Variants in LGSN observed in about 807,000 individuals in gnomAD.
The protein encoded by LGSN is lengsin.
LGSN carries 21 observed loss-of-function variants against 19.5 expected under a neutral mutation model. The observed-to-expected ratio is 1.07, with a 90% CI of 0.76 to 1.55. The LOEUF (loss-of-function observed/expected upper bound fraction) is 1.55. LGSN is among the 40% of genes most tolerant of loss of function. The pLI is 0.00. For missense variants in LGSN, 673 were observed against 608.5 expected, an observed-to-expected ratio of 1.11 and a Z score of -1.12; for synonymous variants, 257 against 215.6, an observed-to-expected ratio of 1.19 and a Z score of -1.68.
In LGSN at chr6:63,279,609, C is replaced by A. The variant is rs923870986; in HGVS notation, c.*412G>T. On this transcript the variant is annotated 3_prime_UTR_variant, in exon 4 of 4. Transcript: ENST00000370657. ...TATTTGTCTCCCTGGAAATCATAAC[C>A]TATGTGTACCATTAAAATTTTTTCT... 6.3e-6 allele frequency: 1 copy of A among 158,470 alleles called. No individual in the cohort carries two copies. Among genetic ancestry groups the A allele is most frequent in the Non-Finnish European group, 1.4e-5 (1 of 72,494 alleles). The allele number at this position is 158,470 out of a possible 1,614,324, so 9.8% of individuals were successfully genotyped here.
Position 63,318,568 on chromosome 6 carries a change from G to A in LGSN, c.30+1346C>T, listed in dbSNP as rs116786597. On this transcript the variant is annotated intron_variant, in intron 1 of 3. Coordinates refer to ENST00000370657, the MANE Select transcript of LGSN (RefSeq NM_016571.3). ...ATACAATGCTCTATTCCAACTTTGA[G>A]GGAACTTTTCCTCAAAAGACAGAGA... Among the ~76,000 whole-genome samples, 445 of 152,236 alleles carry A rather than the reference G, an allele frequency of 2.9e-3. 3 individuals carry two copies. The highest frequency in any genetic ancestry group is 0.01 in the African/African-American group (420 of 41,522).
chr6:63,539,100 C>T, the LGSN span, among the ~76,000 whole-genome samples: 1 of 151,922 alleles, frequency 6.6e-6, no homozygotes, highest in East Asian at 1.9e-4. Flanking sequence ...ACCATGTTGG[C>T]CCATGCTGAT....
At chr6:63,536,126 G>C in the LGSN span, among the ~76,000 whole-genome samples, 1 of 151,942 alleles carries the variant, frequency 6.6e-6, no homozygotes, top group East Asian at 2.0e-4. Flanking sequence ...GAGGCCAACA[G>C]TTCCAGACCA....
chr6:63,539,830 A>G, the LGSN span, among the ~76,000 whole-genome samples: 5 of 152,220 alleles, frequency 3.3e-5, no homozygotes, highest in African/African-American at 1.2e-4. Flanking sequence ...TCAAAAGTTC[A>G]GCAAATGTGT....
the LGSN span, among the ~76,000 whole-genome samples, chr6:63,357,028 G>A: frequency 4.0e-5 from 5 of 125,070 alleles, no homozygotes; most frequent in South Asian, 2.4e-4. Context: ...TCCCCTTCCC[G>A]TGTCCATGTG....
At chr6:63,544,577 C>G in the LGSN span, among the ~76,000 whole-genome samples, 3 of 152,116 alleles carry the variant, frequency 2.0e-5, no homozygotes, top group Admixed American at 6.6e-5. Context: ...GGGTCACAGA[C>G]TGGCTAGAGT....
chr6:63,476,198 A>G, the LGSN span, among the ~76,000 whole-genome samples: 1 of 152,206 alleles, frequency 6.6e-6, no homozygotes, highest in African/African-American at 2.4e-5. Context: ...TTGGTGAGAT[A>G]GTGCTACCTC....
chr6:63,515,029 G>T, the LGSN span, among the ~76,000 whole-genome samples: 1 of 151,974 alleles, frequency 6.6e-6, no homozygotes. Flanking sequence ...TTGAGACAAG[G>T]TATTACTCTG....
the LGSN span, among the ~76,000 whole-genome samples, chr6:63,456,403 T>C: frequency 7.8e-6 from 1 of 128,210 alleles, no homozygotes. Flanking sequence ...ACTTTTTTTT[T>C]TTTTTTGGTA....
the LGSN span, among the ~76,000 whole-genome samples, chr6:63,400,606 T>C: frequency 6.6e-6 from 1 of 152,264 alleles, no homozygotes; most frequent in Non-Finnish European, 1.5e-5. Context: ...TTTAAGGTAA[T>C]GATACTGTGT....
chr6:63,398,031 T>C, the LGSN span, among the ~76,000 whole-genome samples: 13 of 152,228 alleles, frequency 8.5e-5, no homozygotes, highest in African/African-American at 3.1e-4. Flanking sequence ...AGGCAACACA[T>C]TACTCGCATG....
chr6:63,433,295 A>G, the LGSN span, among the ~76,000 whole-genome samples: 4 of 152,192 alleles, frequency 2.6e-5, no homozygotes, highest in South Asian at 8.3e-4. Flanking sequence ...AACAGACAAT[A>G]TCTTAAGGGC....
the LGSN span, among the ~76,000 whole-genome samples, chr6:63,434,787 G>A: frequency 1.3e-5 from 2 of 152,026 alleles, no homozygotes; most frequent in Non-Finnish European, 2.9e-5. Flanking sequence ...TGAAACCAGA[G>A]GGGAAGACAG....
chr6:63,557,434 C>T, the LGSN span, among the ~76,000 whole-genome samples: 3 of 151,808 alleles, frequency 2.0e-5, no homozygotes, highest in South Asian at 2.1e-4. Flanking sequence ...GTGTAGTGTG[C>T]GTGCCTGTAA....
At chr6:63,553,027 CGA>C in the LGSN span, among the ~76,000 whole-genome samples, 1 of 152,022 alleles carries the variant, frequency 6.6e-6, no homozygotes, top group African/African-American at 2.4e-5. Context: ...GGTAGTTGCA[CGA>C]GAGTCTTCAT....
At chr6:63,406,786 C>A in the LGSN span, among the ~76,000 whole-genome samples, 263 of 151,374 alleles carry the variant, frequency 1.7e-3, no homozygotes, top group African/African-American at 5.1e-3. Flanking sequence ...GCTAGCAAGA[C>A]TAATAAAGAA....
At chr6:63,315,153 G>A (rs897137745) in intron 1 of LGSN, among the ~76,000 whole-genome samples, 5 of 152,182 alleles carry the variant, frequency 3.3e-5, no homozygotes, top group Non-Finnish European at 7.4e-5. Flanking sequence ...CTAGCATAAA[G>A]TAGTAATTGA....
chr6:63,542,711 C>A, the LGSN span, among the ~76,000 whole-genome samples: 2 of 152,164 alleles, frequency 1.3e-5, no homozygotes, highest in African/African-American at 4.8e-5. Flanking sequence ...CCTTCACCGA[C>A]TGCTTTTTTG....
chr6:63,294,304 C>T (rs1160151056), intron 2 of LGSN, among the ~76,000 whole-genome samples: 1 of 151,914 alleles, frequency 6.6e-6, no homozygotes, highest in African/African-American at 2.4e-5. Flanking sequence ...CACTGCACTC[C>T]AGCCTGGGTG....
Sources: allele counts gnomAD v4.1 joint callset (sites outside exome capture counted in the v4.1 genomes callset), GRCh38; gene constraint gnomAD v4.1.1; transcripts MANE v1.5; gene names NCBI Gene and HGNC (gene_info 2026-07-23, HGNC 2026-07-21).